The following TTC7B variants were observed in gnomAD, a reference collection of about 807,000 sequenced individuals.
TTC7B encodes tetratricopeptide repeat domain 7B.
A neutral mutation model predicts 106.8 loss-of-function variants in TTC7B; 28 were observed. The observed-to-expected ratio is 0.26, with a 90% CI of 0.19 to 0.36. The LOEUF (loss-of-function observed/expected upper bound fraction) is 0.36, where lower values mean the gene tolerates loss of function less well. Among genes scored for constraint, TTC7B ranks in the 10% least tolerant of loss-of-function variants. The pLI is 1.00. For synonymous variants in TTC7B, 405 were observed against 430.6 expected (o/e 0.94, Z 0.74); for missense variants, 862 against 1,076.4 (o/e 0.80, Z 2.79).
intron 1 of TTC7B, among the ~76,000 whole-genome samples, chr14:90,798,781 C>A (rs1252980242): frequency 1.3e-5 from 2 of 148,814 alleles, no homozygotes; most frequent in Admixed American, 1.4e-4. Context: ...CAGAATAATT[C>A]CTAAAGGAGC....
At chr14:90,645,933 G>A (rs1885426605) in intron 14 of TTC7B, among the ~76,000 whole-genome samples, 2 of 152,216 alleles carry the variant, frequency 1.3e-5, no homozygotes, top group South Asian at 2.1e-4. Context: ...GCAAAAGGAA[G>A]AAGTGCAGGC....
chr14:90,560,840 G>A (rs1890543602), intron 19 of TTC7B, among the ~76,000 whole-genome samples: 1 of 152,202 alleles, frequency 6.6e-6, no homozygotes, highest in Non-Finnish European at 1.5e-5. Context: ...GATTCTAGCT[G>A]GCTTTCTTTG....
intron 18 of TTC7B, among the ~76,000 whole-genome samples, chr14:90,586,300 C>T (rs1392786435): frequency 1.1e-4 from 16 of 152,256 alleles, no homozygotes; most frequent in African/African-American, 7.2e-5. Flanking sequence ...GGTGGAGTTT[C>T]GCTCTTGTTG....
At chr14:90,810,420 C>A (rs899608777) in intron 1 of TTC7B, among the ~76,000 whole-genome samples, 2 of 152,216 alleles carry the variant, frequency 1.3e-5, no homozygotes, top group African/African-American at 4.8e-5. Context: ...ATCAAGCAAC[C>A]CAACTCCAAG....
In TTC7B at chr14:90,618,007, C is replaced by T. The variant is rs370311459; in HGVS notation, c.1790G>A (p.Arg597Gln). The T allele has an allele frequency of 4.3e-6, 7 of 1,613,828 alleles. No individual in the cohort carries two copies. In the South Asian group the frequency reaches 4.4e-5, roughly 10 times the overall value. The change falls in exon 16 of 20, where the codon CGA (arginine) becomes CAA (glutamine). Residue 597 changes from arginine (R) to glutamine (Q), a missense_variant. Coordinates refer to ENST00000328459, the MANE Select transcript of TTC7B (RefSeq NM_001010854.2). ...FSKVKLQSLC[R>Q]GPDEALLTCK... ...AGTCAGCAGTGCCTCGTCCGGGCCT[C>T]GGCAGAGTGACTGCAACTTCACTTT...
intron 1 of TTC7B, among the ~76,000 whole-genome samples, chr14:90,788,311 A>G (rs548249704): frequency 6.4e-4 from 98 of 152,326 alleles, no homozygotes; most frequent in African/African-American, 2.3e-3. Context: ...GGCAACAAGC[A>G]GCTTCCTCCC....
At chr14:90,588,725 A>C (rs1249155080) in intron 18 of TTC7B, among the ~76,000 whole-genome samples, 4 of 152,220 alleles carry the variant, frequency 2.6e-5, no homozygotes, top group African/African-American at 7.2e-5. Flanking sequence ...CTTTCTTTAC[A>C]GAATAGTATA....
At chr14:90,606,263 G>A (rs1892635235) in intron 17 of TTC7B, among the ~76,000 whole-genome samples, 1 of 152,114 alleles carries the variant, frequency 6.6e-6, no homozygotes, top group Non-Finnish European at 1.5e-5. Flanking sequence ...TTTCTGGGGT[G>A]GCCTATGGTT....
In TTC7B at chr14:90,578,964, T is replaced by A. The variant is rs1478927447; in HGVS notation, c.2108-656A>T. 6.6e-6 allele frequency among the ~76,000 whole-genome samples: 1 copy of A among 152,136 alleles called. No homozygotes were observed. Among genetic ancestry groups the A allele is most frequent in the Non-Finnish European group, 1.5e-5 (1 of 68,024 alleles). ...ATCGCTTTTAAAACAAGCAGGAAAATGACCCTGCTACCGATCCAGGCCTCA... is the reference window on the plus strand; with the variant it reads ...ATCGCTTTTAAAACAAGCAGGAAAAAGACCCTGCTACCGATCCAGGCCTCA... On this transcript the variant is annotated intron_variant, in intron 18 of 19. Coordinates refer to ENST00000328459, the MANE Select transcript of TTC7B (RefSeq NM_001010854.2). The surrounding 1 kb of genome is among the most constrained non-coding windows in gnomAD (Gnocchi z 4.7).
At chr14:90,681,898 T>TGC (rs1566834020) in intron 7 of TTC7B, among the ~76,000 whole-genome samples, 1 of 151,724 alleles carries the variant, frequency 6.6e-6, no homozygotes, top group Admixed American at 6.6e-5. Context: ...TGTGTATGTG[T>TGC]GTGTGCATGT....
At chr14:90,673,496 T>C (rs1215006829) in intron 9 of TTC7B, among the ~76,000 whole-genome samples, 2 of 152,220 alleles carry the variant, frequency 1.3e-5, no homozygotes, top group Non-Finnish European at 2.9e-5. Context: ...TGTCTATTCC[T>C]GTGTCTCAGA....
chr14:90,548,961 A>C (rs901473485), intron 19 of TTC7B, among the ~76,000 whole-genome samples: 8 of 152,026 alleles, frequency 5.3e-5, no homozygotes, highest in African/African-American at 1.9e-4. Flanking sequence ...CCCTGTCTCT[A>C]CTAAAAAATA....
In TTC7B at chr14:90,533,121, C is replaced by G. The variant is rs1257257157; in HGVS notation, c.*8247G>C. On this transcript the variant is annotated 3_prime_UTR_variant, in exon 20 of 20. Transcript: ENST00000328459. Reference sequence around the variant, plus strand: ...GAGAGTAGGTGGCCAGGTCCCGATGCAGGCTCCAGCCCAGCAGGCCCACAA... The same window carrying G: ...GAGAGTAGGTGGCCAGGTCCCGATGGAGGCTCCAGCCCAGCAGGCCCACAA... 6.6e-6 allele frequency: 1 copy of G among 152,484 alleles called. No homozygotes were observed. The highest frequency in any genetic ancestry group is 1.5e-5 in the Non-Finnish European group (1 of 68,276). 9.4% of individuals were successfully genotyped at this position (152,484 alleles called of 1,614,324 possible). A position where few individuals can be genotyped will look rare whatever the true frequency, so the allele number is the denominator to read the frequency against.
chr14:90,719,299 A>G (rs543043457), intron 5 of TTC7B, among the ~76,000 whole-genome samples: 64 of 152,238 alleles, frequency 4.2e-4, no homozygotes, highest in African/African-American at 1.5e-3. Context: ...AACAACAAAA[A>G]TAACCTGAGG....
At chr14:90,626,057 T>C (rs1884424013) in intron 15 of TTC7B, among the ~76,000 whole-genome samples, 1 of 152,196 alleles carries the variant, frequency 6.6e-6, no homozygotes, top group Non-Finnish European at 1.5e-5. Flanking sequence ...AGTCAGAATC[T>C]GCATGTAACC....
Position 90,541,461 on chromosome 14 carries a change from G to T in TTC7B, c.2439C>A (p.Asn813Lys), listed in dbSNP as rs200889670. Residue 813 changes from asparagine (N) to lysine (K), a missense_variant, in exon 20 of 20, where the codon AAC becomes AAA. Asn to Lys is a moderately conservative substitution (Grantham distance 94, BLOSUM62 0). Transcript: ENST00000328459. ...GLGEVLQAQG[N>K]DAAATECFLT... ...GGAAGCACTCCGTAGCCGCCGCATC[G>T]TTGCCCTGAGCTTGGAGGACCTCGC... is the stretch of plus-strand genomic sequence containing the variant. The T allele has an allele frequency of 5.6e-6, 9 of 1,614,018 alleles. No homozygotes were observed. Among genetic ancestry groups the T allele is most frequent in the Non-Finnish European group, 6.8e-6 (8 of 1,179,988 alleles).
intron 6 of TTC7B, among the ~76,000 whole-genome samples, chr14:90,690,526 A>G (rs564934495): frequency 1.6e-4 from 25 of 152,290 alleles, no homozygotes; most frequent in Non-Finnish European, 2.1e-4. Flanking sequence ...ATGTACTAAG[A>G]AGTGTTTTGT....
rs565138985 is a variant in TTC7B, at chr14:90,578,316, G to A, written c.2108-8C>T. On this transcript the variant is annotated splice_polypyrimidine_tract_variant and splice_region_variant and intron_variant, in intron 18 of 19. Coordinates refer to ENST00000328459, the MANE Select transcript of TTC7B (RefSeq NM_001010854.2). This position sits in a 1 kb window ranked among gnomAD's most constrained non-coding sequence, Gnocchi z 4.7. ...TGCCGATATAGACTTCAGCTGTGAGGAGACAGCAACGGCACATGCTTTCCT... is the reference window on the plus strand; with the variant it reads ...TGCCGATATAGACTTCAGCTGTGAGAAGACAGCAACGGCACATGCTTTCCT... 1.2e-5 allele frequency: 20 copies of A among 1,613,032 alleles called. No homozygotes were observed. The East Asian group carries it at 3.6e-4, about 29-fold the overall frequency.
intron 3 of TTC7B, chr14:90,766,411 AAGT>A (rs1199914108): frequency 1.9e-6 from 1 of 527,550 alleles, no homozygotes; most frequent in Non-Finnish European, 3.4e-6. Flanking sequence ...GATGTGGTGA[AAGT>A]CAAGAAAATG....
Sources: gnomAD v4.1 joint callset for allele counts (sites outside exome capture counted in the v4.1 genomes callset) on GRCh38, gnomAD v4.1.1 for gene constraint, Gnocchi (gnomAD v3.1) non-coding constraint, MANE v1.5 for transcripts, NCBI Gene and HGNC (gene_info 2026-07-23, HGNC 2026-07-21) for gene names.